Variants in RBMXL1 observed in about 807,000 individuals in gnomAD.
The protein encoded by RBMXL1 is RNA binding motif protein, X-linked-like-1.
RBMXL1 carries 18 observed loss-of-function variants against 29.0 expected under a neutral mutation model. That is an observed-to-expected ratio of 0.62 (90% CI 0.43 to 0.92). The LOEUF is 0.92. RBMXL1 is among the 40% of genes least tolerant of loss of function. RBMXL1 has a pLI of 0.00. For missense variants in RBMXL1, 403 were observed against 495.8 expected (o/e 0.81, Z 1.78); for synonymous variants, 141 against 170.4 (o/e 0.83, Z 1.34).
chr1:88,987,269 G>C (rs1677516643), intron 2 of RBMXL1, among the ~76,000 whole-genome samples: 1 of 152,046 alleles, frequency 6.6e-6, no homozygotes, highest in Non-Finnish European at 1.5e-5. Context: ...GTTCACCTTG[G>C]GGAAGCACAA....
rs917396486 is a variant in RBMXL1 at position 88,982,189 on chromosome 1, G to A, written c.*465C>T. On this transcript the variant is annotated 3_prime_UTR_variant, in exon 3 of 3. Transcript: ENST00000652648. ...AGGTTTTGCATACTGAGAACAGTGA[G>A]ATTTCAGTTAGAAAACACCCTGAAA... 5 of 856,902 alleles carry A rather than the reference G, an allele frequency of 5.8e-6. No individual in the cohort carries two copies. The highest frequency in any genetic ancestry group is 7.0e-6 in the Non-Finnish European group (5 of 710,774). The allele number at this position is 856,902 out of a possible 1,614,324, so 53.1% of individuals were successfully genotyped here.
Position 88,983,496 on chromosome 1 carries a change from C to T in RBMXL1, c.331G>A (p.Ala111Thr), listed in dbSNP as rs775605696. 20 of 1,614,186 alleles carry T rather than the reference C, an allele frequency of 1.2e-5. No individual in the cohort carries two copies. The East Asian group carries it at 3.6e-4, about 29-fold the overall frequency. Reference protein sequence around the residue: ...RSRGPPRGFGAGRGGSGGTRG... With the variant: ...RSRGPPRGFGTGRGGSGGTRG... Reference sequence around the variant, plus strand: ...GTTCCTCCACTTCCTCCTCTTCCAGCTCCAAAACCTCTTGGAGGACCTCTA... The same window carrying T: ...GTTCCTCCACTTCCTCCTCTTCCAGTTCCAAAACCTCTTGGAGGACCTCTA... Residue 111 changes from alanine (A) to threonine (T), a missense_variant, in exon 3 of 3, where the codon GCT (alanine) becomes ACT (threonine). Ala to Thr is a moderately conservative substitution (Grantham distance 58). Transcript: ENST00000652648.
chr1:88,992,296 G>A (rs192859368), intron 1 of RBMXL1, among the ~76,000 whole-genome samples: 56 of 152,342 alleles, frequency 3.7e-4, no homozygotes, highest in Middle Eastern at 3.4e-3. Context: ...GAGTCCCAAA[G>A]TCATTCTTCT....
rs1019727510 is a variant in RBMXL1 at position 88,980,652 on chromosome 1, G to GTC, written c.*2000_*2001dup. 4 of 152,400 alleles carry GTC rather than the reference G, an allele frequency of 2.6e-5. No individual in the cohort carries two copies. The highest frequency in any genetic ancestry group is 9.7e-5 in the African/African-American group (4 of 41,404). 9.4% of individuals were successfully genotyped at this position (152,400 alleles called of 1,614,324 possible). The stretch of plus-strand genomic sequence containing the variant: ...TCAGTAAACTATTTATCAAACAGGT[G>GTC]TCTGGTCATTTTAACATACTCCTTG... On this transcript the variant is annotated 3_prime_UTR_variant, in exon 3 of 3. Transcript: ENST00000652648.
In RBMXL1 at chr1:88,983,514, G is replaced by A. The variant is rs1440653736; in HGVS notation, c.313C>T (p.Pro105Ser). The change falls in exon 3 of 3, where the codon CCT becomes TCT. Residue 105 changes from proline to serine, a missense_variant. Physicochemically the swap from Pro to Ser is moderately conservative, Grantham distance 74. Coordinates refer to ENST00000652648, the MANE Select transcript of RBMXL1 (RefSeq NM_001162536.3). ...GPPPPPRSRG[P>S]PRGFGAGRGG... ...CTTCCAGCTCCAAAACCTCTTGGAG[G>A]ACCTCTACTTCTTGGAGGTGGGGGC... is the stretch of plus-strand genomic sequence containing the variant. 1.9e-6 allele frequency: 3 copies of A among 1,614,104 alleles called. No individual in the cohort carries two copies. Among genetic ancestry groups the A allele is most frequent in the South Asian group, 1.1e-5 (1 of 91,068 alleles).
chr1:88,981,217 T>A lies in RBMXL1; in HGVS notation c.*1437A>T, dbSNP rs1196457589. On this transcript the variant is annotated 3_prime_UTR_variant, in exon 3 of 3. Coordinates refer to ENST00000652648, the MANE Select transcript of RBMXL1 (RefSeq NM_001162536.3). ...TTACTTTCCAGATGTCACTCATAAG[T>A]TTTATTCTACAACTAAACTGTTTGT... is the stretch of plus-strand genomic sequence containing the variant. 3 of 152,240 alleles carry A rather than the reference T, an allele frequency of 2.0e-5. No individual in the cohort carries two copies. The highest frequency in any genetic ancestry group is 2.0e-4 in the Admixed American group (3 of 15,290). 9.4% of individuals were successfully genotyped at this position (152,240 alleles called of 1,614,324 possible).
chr1:88,986,159 C>T (rs1009375945), intron 2 of RBMXL1, among the ~76,000 whole-genome samples: 3 of 144,468 alleles, frequency 2.1e-5, no homozygotes, highest in Admixed American at 1.4e-4. Flanking sequence ...CCAGCCTGGG[C>T]GGCAAGAGTG....
In RBMXL1 at chr1:88,981,262, AAT is replaced by A. The variant is rs1189509664; in HGVS notation, c.*1390_*1391del. On this transcript the variant is annotated 3_prime_UTR_variant, in exon 3 of 3. Transcript: ENST00000652648. ...GTTTGTGGATAAGCCACCACAAAAA[AAT>A]GTTTCACTTACTGACAAGACACTTC... The A allele has an allele frequency of 2.0e-5, 3 of 152,240 alleles. No individual in the cohort carries two copies. The highest frequency in any genetic ancestry group is 1.5e-5 in the Non-Finnish European group (1 of 68,032). 9.4% of individuals were successfully genotyped at this position (152,240 alleles called of 1,614,324 possible).
intron 2 of RBMXL1, among the ~76,000 whole-genome samples, chr1:88,987,897 T>C (rs572940124): frequency 3.5e-4 from 54 of 152,352 alleles, no homozygotes; most frequent in African/African-American, 1.3e-3. Context: ...GATGTACGTA[T>C]TGTATTTGGT....
chr1:88,990,069 C>T (rs1293195607), intron 1 of RBMXL1, among the ~76,000 whole-genome samples: 1 of 152,108 alleles, frequency 6.6e-6, no homozygotes, highest in Non-Finnish European at 1.5e-5. Context: ...TTCCTCAGTC[C>T]AAGCAGATTG....
chr1:88,984,687 T>C (rs1185600531), intron 2 of RBMXL1, among the ~76,000 whole-genome samples: 1 of 152,176 alleles, frequency 6.6e-6, no homozygotes, highest in Non-Finnish European at 1.5e-5. Context: ...TGTACTTCAA[T>C]AGAAAACTAT....
chr1:88,986,862 A>G (rs1677487050), intron 2 of RBMXL1, among the ~76,000 whole-genome samples: 1 of 152,184 alleles, frequency 6.6e-6, no homozygotes, highest in East Asian at 1.9e-4. Context: ...TCATTCGTCC[A>G]GCAATAGGAA....
rs777213760 is a variant in RBMXL1, at chr1:88,983,392, TC to T, written c.434del (p.Gly145AspfsTer5). On this transcript the variant is annotated frameshift_variant, in exon 3 of 3. Transcript: ENST00000652648. LOFTEE classifies it high-confidence loss of function. Reference sequence around the variant, plus strand: ...GTGGTCCTCTTTTTACTGGGAGTGGTCCCCTGGAAGAACTCATGTTAAAATT... The same window carrying T: ...GTGGTCCTCTTTTTACTGGGAGTGGTCCCTGGAAGAACTCATGTTAAAATT... ...SMNFNMSSSRGPLPVKRGPPP... is the reference protein window; with the variant it reads ...SMNFNMSSSRXPLPVKRGPPP... The T allele has an allele frequency of 5.0e-6, 8 of 1,614,040 alleles. No individual in the cohort carries two copies. The African/African-American group carries it at 1.1e-4, about 22-fold the overall frequency.
intron 1 of RBMXL1, among the ~76,000 whole-genome samples, chr1:88,989,369 A>G (rs560085538): frequency 1.3e-5 from 2 of 152,338 alleles, no homozygotes; most frequent in African/African-American, 4.8e-5. Context: ...GCAGAATTCA[A>G]TCTTAAAAAA....
At position 88,983,141 on chromosome 1, in the gene RBMXL1, C is replaced by T. The variant is rs770232757; in HGVS notation, c.686G>A (p.Arg229His). The change falls in exon 3 of 3, where the codon CGT (arginine) becomes CAT (histidine). Residue 229 changes from arginine to histidine, a missense_variant. Physicochemically the swap from Arg to His is conservative, Grantham distance 29. Transcript: ENST00000652648. The stretch of plus-strand genomic sequence containing the variant: ...TGGTGGTGCATAATCTCTTGTATCA[C>T]GAGAACTTGGGTAATCTCTGCTTGA... Reference protein sequence around the residue: ...SYSSRDYPSSRDTRDYAPPPR... With the variant: ...SYSSRDYPSSHDTRDYAPPPR... 6.2e-6 allele frequency: 10 copies of T among 1,612,466 alleles called. No individual in the cohort carries two copies. Among genetic ancestry groups the T allele is most frequent in the African/African-American group, 1.3e-5 (1 of 74,964 alleles).
chr1:88,982,750 TGAA>T lies in RBMXL1; in HGVS notation c.1074_1076del (p.Ser359del), dbSNP rs1677164692. The stretch of plus-strand genomic sequence containing the variant: ...GGCTTGAACTGCTGTAGGAATCACG[TGAA>T]GAAGGGTACCCCCTTTCTACAGAAG... On this transcript the variant is annotated inframe_deletion, in exon 3 of 3. Transcript: ENST00000652648. The T allele has an allele frequency of 1.9e-6, 3 of 1,613,848 alleles. No homozygotes were observed. Among genetic ancestry groups the T allele is most frequent in the Middle Eastern group, 1.6e-4 (1 of 6,078 alleles).
At position 88,983,270 on chromosome 1, in the gene RBMXL1, C is replaced by T; in HGVS notation, c.557G>A (p.Gly186Glu). 6.2e-7 allele frequency: 1 copy of T among 1,613,760 alleles called. No individual in the cohort carries two copies. The highest frequency in any genetic ancestry group is 8.5e-7 in the Non-Finnish European group (1 of 1,179,958). The change falls in exon 3 of 3, where the codon GGA (glycine) becomes GAA (glutamate). Residue 186 changes from glycine (G) to glutamate (E), a missense_variant. Gly to Glu is a moderately conservative substitution (Grantham distance 98). Coordinates refer to ENST00000652648, the MANE Select transcript of RBMXL1 (RefSeq NM_001162536.3). ...AGGTGGACCTCCATAACTATCTCTT[C>T]CACGTGATAGAGGAGCTCTTCCTCC... is the stretch of plus-strand genomic sequence containing the variant. ...GMGGRAPLSR[G>E]RDSYGGPPRR...
rs1391014881 is a variant in RBMXL1, at chr1:88,983,737, T to A, written c.90A>T (p.Lys30Asn). 1 of 1,614,078 alleles carries A rather than the reference T, an allele frequency of 6.2e-7. No homozygotes were observed. The highest frequency in any genetic ancestry group is 1.1e-5 in the South Asian group (1 of 91,086). Residue 30 changes from lysine (K) to asparagine (N), a missense_variant, in exon 3 of 3, where the codon AAA (lysine) becomes AAT (asparagine). Physicochemically the swap from Lys to Asn is moderately conservative, Grantham distance 94. Transcript: ENST00000652648. The stretch of plus-strand genomic sequence containing the variant: ...AGAGTACTTCCACTATTCGTCCATA[T>A]TTGCCAAATACTGTTTCAAGAGCTT... ...NEKALETVFGKYGRIVEVLLI... is the reference protein window; with the variant it reads ...NEKALETVFGNYGRIVEVLLI...
rs1676989385 is a variant in RBMXL1, at chr1:88,979,828, G to A, written c.*2826C>T. ...ATTTTACTGGTAGGTATTTACCCAA[G>A]AGAAAGGAAAACCTATGTCTACACA... On this transcript the variant is annotated 3_prime_UTR_variant, in exon 3 of 3. Transcript: ENST00000652648. 1.3e-5 allele frequency: 2 copies of A among 152,154 alleles called. No homozygotes were observed. Among genetic ancestry groups the A allele is most frequent in the South Asian group, 4.1e-4 (2 of 4,830 alleles). 9.4% of individuals were successfully genotyped at this position (152,154 alleles called of 1,614,324 possible).
Sources: gnomAD v4.1 joint callset for allele counts (sites outside exome capture counted in the v4.1 genomes callset) on GRCh38, gnomAD v4.1.1 for gene constraint, MANE v1.5 for transcripts, NCBI Gene and HGNC (gene_info 2026-07-23, HGNC 2026-07-21) for gene names.